NRXN1: variants seen among roughly 807,000 people sequenced by gnomAD.
The protein encoded by NRXN1 is neurexin 1, also known as neurexin-1.
Under a neutral mutation model 150.9 loss-of-function variants are expected in NRXN1, and 39 were observed. That is an observed-to-expected ratio of 0.26 (90% confidence interval 0.20 to 0.34). The LOEUF is 0.34. Among genes scored for constraint, NRXN1 ranks in the 10% least tolerant of loss-of-function variants. NRXN1 has a pLI of 1.00. For synonymous variants in NRXN1, 924 were observed against 757.0 expected, an observed-to-expected ratio of 1.22 and a Z score of -3.62; for missense variants, 1,815 against 1,949.9, an observed-to-expected ratio of 0.93 and a Z score of 1.30.
intron 17 of NRXN1, among the ~76,000 whole-genome samples, chr2:50,358,461 G>C (rs1040727173): frequency 1.3e-5 from 2 of 152,282 alleles, no homozygotes; most frequent in East Asian, 1.9e-4. Flanking sequence ...AACAAAGCTC[G>C]TGGGAAGTTT....
At chr2:50,735,480 G>T (rs889382576) in intron 5 of NRXN1, among the ~76,000 whole-genome samples, 2 of 152,036 alleles carry the variant, frequency 1.3e-5, no homozygotes, top group African/African-American at 4.8e-5. Flanking sequence ...AAGCCACTGG[G>T]AATTTTGAAA....
In NRXN1 at chr2:50,623,342, T is replaced by A. The variant is rs1320398362; in HGVS notation, c.1106A>T (p.Asp369Val). The A allele has an allele frequency of 1.2e-6, 2 of 1,612,938 alleles. No individual in the cohort carries two copies. The highest frequency in any genetic ancestry group is 1.7e-6 in the Non-Finnish European group (2 of 1,179,256). Residue 369 changes from aspartate to valine, a missense_variant, in exon 6 of 23, where the codon GAT (aspartate) becomes GTT (valine). Around this residue, in one of 6 missense-constraint regions of NRXN1, gnomAD observed 14 missense variants for 48.4 expected, o/e 0.29. Coordinates refer to ENST00000401669, the MANE Select transcript of NRXN1 (RefSeq NM_001330078.2). ...ACGCAGATTCCTGGTGACTTTCACA[T>A]CATGCCAGGCATTATCATTAAACTT... Reference protein sequence around the residue: ...NGKFNDNAWHDVKVTRNLRQH... With the variant: ...NGKFNDNAWHVVKVTRNLRQH...
At chr2:50,280,812 A>C (rs887577033) in intron 17 of NRXN1, among the ~76,000 whole-genome samples, 2 of 152,158 alleles carry the variant, frequency 1.3e-5, no homozygotes, top group African/African-American at 4.8e-5. Flanking sequence ...TGAGGGAAGA[A>C]TATGATTAAT....
chr2:50,518,182 A>G (rs1300661838), intron 12 of NRXN1, among the ~76,000 whole-genome samples: 2 of 152,130 alleles, frequency 1.3e-5, no homozygotes, highest in Admixed American at 6.5e-5. Context: ...GTAAAAATGA[A>G]CACAAATTAA....
intron 18 of NRXN1, among the ~76,000 whole-genome samples, chr2:50,159,767 A>C (rs953803971): frequency 6.6e-6 from 1 of 152,184 alleles, no homozygotes; most frequent in African/African-American, 2.4e-5. Flanking sequence ...TCTTGGGAGA[A>C]GGAAGGATGT....
At chr2:50,451,078 T>A (rs1485042596) in intron 17 of NRXN1, among the ~76,000 whole-genome samples, 1 of 152,146 alleles carries the variant, frequency 6.6e-6, no homozygotes. Context: ...GGGATCCTTC[T>A]ACTTCAGCCT....
intron 5 of NRXN1, among the ~76,000 whole-genome samples, chr2:50,627,878 C>T (rs1262206082): frequency 6.6e-6 from 1 of 151,486 alleles, no homozygotes; most frequent in Non-Finnish European, 1.5e-5. Flanking sequence ...TGCCACAACA[C>T]CTGTGTGTCA....
intron 17 of NRXN1, among the ~76,000 whole-genome samples, chr2:50,368,768 T>C (rs759999331): frequency 5.3e-5 from 8 of 151,918 alleles, no homozygotes; most frequent in Admixed American, 3.3e-4. Context: ...CAGGTAGAAA[T>C]AGGTTAATAA....
At chr2:50,339,881 T>C (rs2077436973) in intron 17 of NRXN1, among the ~76,000 whole-genome samples, 1 of 152,220 alleles carries the variant, frequency 6.6e-6, no homozygotes, top group African/African-American at 2.4e-5. Context: ...ATGAGTTAGC[T>C]ACTCTTTTGT....
chr2:50,758,816 A>C (rs537411484), intron 5 of NRXN1, among the ~76,000 whole-genome samples: 2 of 151,960 alleles, frequency 1.3e-5, no homozygotes, highest in South Asian at 4.1e-4. Context: ...GCACCAACCT[A>C]ATCACAATGC....
At chr2:50,106,771 G>C (rs1233304377) in intron 18 of NRXN1, among the ~76,000 whole-genome samples, 3 of 151,736 alleles carry the variant, frequency 2.0e-5, no homozygotes, top group Admixed American at 2.0e-4. Flanking sequence ...AATTATGAAA[G>C]ATTTTTCAAG....
intron 15 of NRXN1, among the ~76,000 whole-genome samples, chr2:50,493,222 A>G (rs941204903): frequency 2.0e-5 from 3 of 152,190 alleles, no homozygotes; most frequent in African/African-American, 7.2e-5. Flanking sequence ...ACTGCTGTCC[A>G]TGTCTGAGCG....
At chr2:50,821,516 TTAAG>T (rs1231094991) in intron 5 of NRXN1, among the ~76,000 whole-genome samples, 1 of 152,140 alleles carries the variant, frequency 6.6e-6, no homozygotes, top group East Asian at 1.9e-4. Flanking sequence ...ACTGTAGTGA[TTAAG>T]TGAGTTAACA....
chr2:50,293,825 G>A (rs2073243486), intron 17 of NRXN1, among the ~76,000 whole-genome samples: 1 of 152,158 alleles, frequency 6.6e-6, no homozygotes, highest in African/African-American at 2.4e-5. Context: ...CCCAAGTAGT[G>A]TAACCATGTT....
chr2:50,675,851 G>A (rs534457457), intron 5 of NRXN1, among the ~76,000 whole-genome samples: 169 of 152,232 alleles, frequency 1.1e-3, no homozygotes, highest in African/African-American at 4.0e-3. Flanking sequence ...GTTATCTGCA[G>A]TGTGGTTAGC....
chr2:49,959,015 G>A (rs1016648851), intron 21 of NRXN1, among the ~76,000 whole-genome samples: 4 of 152,140 alleles, frequency 2.6e-5, no homozygotes, highest in Non-Finnish European at 5.9e-5. Context: ...AAATACACAA[G>A]ACCTGTTAGT....
Position 50,205,874 on chromosome 2 carries a change from T to C in NRXN1, c.3546+30915A>G, listed in dbSNP as rs2062534156. On this transcript the variant is annotated intron_variant, in intron 18 of 22. Transcript: ENST00000401669. ...TCACAAAAGATCACGTATTATATTATTCTATTTATATGACATGTCCAGAAT... is the reference window on the plus strand; with the variant it reads ...TCACAAAAGATCACGTATTATATTACTCTATTTATATGACATGTCCAGAAT... 2.0e-5 allele frequency among the ~76,000 whole-genome samples: 3 copies of C among 152,064 alleles called. No homozygotes were observed. In the South Asian group the frequency reaches 6.2e-4, roughly 32 times the overall value.
At position 50,311,910 on chromosome 2, in the gene NRXN1, T is replaced by C. The variant is rs550719559; in HGVS notation, c.3365-74940A>G. ...ATAAATACCTACACAATTGGAGGAA[T>C]AGTGTCATATTGAGGAATTAAGTCA... On this transcript the variant is annotated intron_variant, in intron 17 of 22. Coordinates refer to ENST00000401669, the MANE Select transcript of NRXN1 (RefSeq NM_001330078.2). 5.3e-5 allele frequency among the ~76,000 whole-genome samples: 8 copies of C among 152,212 alleles called. 1 individual carries two copies. In the East Asian group the frequency reaches 9.7e-4, roughly 18 times the overall value.
chr2:49,926,210 T>C (rs1669080266), intron 22 of NRXN1: 2 of 396,420 alleles, frequency 5.0e-6, no homozygotes, highest in Middle Eastern at 6.4e-4. Flanking sequence ...TATTCACTTC[T>C]TTCTCACTTC....
Sources: gnomAD v4.1 joint callset for allele counts (sites outside exome capture counted in the v4.1 genomes callset) on GRCh38, gnomAD v4.1.1 for gene constraint, gnomAD v4.1.1 regional missense constraint, MANE v1.5 for transcripts, NCBI Gene and HGNC (gene_info 2026-07-23, HGNC 2026-07-21) for gene names.